Variants in ATP10A observed in about 807,000 individuals in gnomAD.
ATP10A encodes phospholipid-transporting ATPase VA.
ATP10A carries 111 observed loss-of-function variants against 147.8 expected under a neutral mutation model. The ratio of observed to expected loss-of-function variants is 0.75; its 90% CI spans 0.64 to 0.88. The LOEUF (loss-of-function observed/expected upper bound fraction) is 0.88. Among genes scored for constraint, ATP10A ranks in the 40% least tolerant of loss-of-function variants. ATP10A has a pLI of 0.00. For synonymous variants in ATP10A, 875 were observed against 841.6 expected, an observed-to-expected ratio of 1.04 and a Z score of -0.69; for missense variants, 1,927 against 1,959.0, an observed-to-expected ratio of 0.98 and a Z score of 0.31.
At chr15:25,830,482 T>C (rs1892308488) in intron 1 of ATP10A, among the ~76,000 whole-genome samples, 1 of 152,198 alleles carries the variant, frequency 6.6e-6, no homozygotes, top group Non-Finnish European at 1.5e-5. Flanking sequence ...CTTGGGCTTC[T>C]TTACACCTTC....
intron 15 of ATP10A, among the ~76,000 whole-genome samples, chr15:25,689,829 A>T (rs2140304974): frequency 6.6e-6 from 1 of 152,322 alleles, no homozygotes; most frequent in East Asian, 1.9e-4. Flanking sequence ...CACCTTGAGG[A>T]GGAGAGCAGG....
At chr15:25,729,201 C>G (rs1050817573) in intron 3 of ATP10A, among the ~76,000 whole-genome samples, 2 of 152,150 alleles carry the variant, frequency 1.3e-5, no homozygotes, top group African/African-American at 4.8e-5. Flanking sequence ...AAATGAGGTC[C>G]TTTGGACAGG....
intron 1 of ATP10A, among the ~76,000 whole-genome samples, chr15:25,796,131 A>G (rs918487873): frequency 2.0e-5 from 3 of 152,228 alleles, no homozygotes; most frequent in Admixed American, 6.5e-5. Flanking sequence ...AACAGGGACA[A>G]CATGTGAAAA....
At chr15:25,857,829 C>A (rs986279333) in intron 1 of ATP10A, among the ~76,000 whole-genome samples, 3 of 151,942 alleles carry the variant, frequency 2.0e-5, no homozygotes, top group Admixed American at 6.6e-5. Context: ...GTACTGCCAT[C>A]TCCTAACAGT....
intron 1 of ATP10A, among the ~76,000 whole-genome samples, chr15:25,834,698 A>G (rs1892516361): frequency 6.6e-6 from 1 of 152,246 alleles, no homozygotes; most frequent in Admixed American, 6.5e-5. Context: ...ATAGTAGCCA[A>G]AAGTAGAAAC....
chr15:25,685,062 C>T (rs1899635902), intron 16 of ATP10A, among the ~76,000 whole-genome samples: 1 of 152,118 alleles, frequency 6.6e-6, no homozygotes, highest in South Asian at 2.1e-4. Context: ...TCATCGGTAG[C>T]AAATACAGTC....
intron 2 of ATP10A, among the ~76,000 whole-genome samples, chr15:25,739,526 C>G (rs935959672): frequency 1.3e-5 from 2 of 152,160 alleles, no homozygotes; most frequent in Admixed American, 1.3e-4. Flanking sequence ...AGTCCACAAT[C>G]CTGTAGGATG....
chr15:25,782,596 A>T (rs1239929107), intron 1 of ATP10A, among the ~76,000 whole-genome samples: 1 of 152,166 alleles, frequency 6.6e-6, no homozygotes, highest in African/African-American at 2.4e-5. Flanking sequence ...CCTCCCAGGG[A>T]CACATTCCAA....
chr15:25,692,761 G>C (rs1475569640), intron 14 of ATP10A, among the ~76,000 whole-genome samples: 1 of 152,182 alleles, frequency 6.6e-6, no homozygotes, highest in Non-Finnish European at 1.5e-5. Context: ...TGGGCACTAG[G>C]AGTAGGTCAC....
At chr15:25,811,925 G>A (rs1282902856) in intron 1 of ATP10A, among the ~76,000 whole-genome samples, 2 of 152,182 alleles carry the variant, frequency 1.3e-5, no homozygotes, top group African/African-American at 2.4e-5. Flanking sequence ...AGAGGAAACC[G>A]AGGCACACGG....
chr15:25,673,059 G>A (rs1400516675), downstream of ATP10A, among the ~76,000 whole-genome samples: 4 of 152,146 alleles, frequency 2.6e-5, no homozygotes, highest in Non-Finnish European at 5.9e-5. Flanking sequence ...CAATGAGCAG[G>A]GCCAGTGAGC....
At chr15:25,800,118 G>T (rs575285600) in intron 1 of ATP10A, among the ~76,000 whole-genome samples, 1 of 152,206 alleles carries the variant, frequency 6.6e-6, no homozygotes. Flanking sequence ...AAGGGTGCAC[G>T]CAACAGCTCA....
At chr15:25,853,415 GC>G (rs1294179341) in intron 1 of ATP10A, among the ~76,000 whole-genome samples, 1 of 152,174 alleles carries the variant, frequency 6.6e-6, no homozygotes, top group East Asian at 1.9e-4. Context: ...ACGTGGGGAA[GC>G]CCTGTCTTTA....
chr15:25,836,802 G>A (rs1417132390), intron 1 of ATP10A, among the ~76,000 whole-genome samples: 1 of 152,100 alleles, frequency 6.6e-6, no homozygotes, highest in Non-Finnish European at 1.5e-5. Context: ...AGGAGATGAG[G>A]GCTGAAGTCA....
At chr15:25,697,824 G>A (rs1329698975) in intron 13 of ATP10A, among the ~76,000 whole-genome samples, 5 of 152,210 alleles carry the variant, frequency 3.3e-5, no homozygotes, top group African/African-American at 1.2e-4. Context: ...CAGTGACATG[G>A]TGTTGACAGC....
At chr15:25,752,447 C>A (rs1206677813) in intron 2 of ATP10A, among the ~76,000 whole-genome samples, 1 of 152,068 alleles carries the variant, frequency 6.6e-6, no homozygotes, top group Non-Finnish European at 1.5e-5. Context: ...CTAAAGCAAC[C>A]AAACTCAGAA....
chr15:25,778,545 A>G (rs1164927647), intron 2 of ATP10A, among the ~76,000 whole-genome samples: 2 of 151,946 alleles, frequency 1.3e-5, no homozygotes, highest in Non-Finnish European at 2.9e-5. Flanking sequence ...TGGGACCAGA[A>G]TGTGCATGCA....
rs10523875 is a variant in ATP10A at position 25,714,965 on chromosome 15, TACACACACACACACACACAC to T, written c.1777-744_1777-725del. Among the ~76,000 whole-genome samples, 593 of 145,710 alleles carry T rather than the reference TACACACACACACACACACAC, an allele frequency of 4.1e-3. 3 individuals carry two copies. Among genetic ancestry groups the T allele is most frequent in the South Asian group, 1.0e-2 (45 of 4,508 alleles). On this transcript the variant is annotated intron_variant, in intron 9 of 20. Coordinates refer to ENST00000555815, the MANE Select transcript of ATP10A (RefSeq NM_024490.4). ...TAAGAAACAAAATGAATGACACATA[TACACACACACACACACACAC>T]ACACACACACACACACAATTGTTAA...
intron 17 of ATP10A, among the ~76,000 whole-genome samples, chr15:25,682,164 C>T (rs553800324): frequency 6.6e-6 from 1 of 151,908 alleles, no homozygotes; most frequent in South Asian, 2.1e-4. Flanking sequence ...CATTCTCCCC[C>T]AGTTTGAGCC....
Sources: gnomAD v4.1 joint callset for allele counts (sites outside exome capture counted in the v4.1 genomes callset) on GRCh38, gnomAD v4.1.1 for gene constraint, MANE v1.5 for transcripts, NCBI Gene and HGNC (gene_info 2026-07-23, HGNC 2026-07-21) for gene names.